The following NOVA2 variants were observed in gnomAD, a reference collection of about 807,000 sequenced individuals.
NOVA2 encodes NOVA alternative splicing regulator 2, also known as RNA-binding protein Nova-2.
A neutral mutation model predicts 22.5 loss-of-function variants in NOVA2; 9 were observed. The ratio of observed to expected loss-of-function variants is 0.40; its 90% confidence interval spans 0.24 to 0.70. NOVA2 has a LOEUF of 0.70. Among genes scored for constraint, NOVA2 ranks in the 30% least tolerant of loss-of-function variants. The probability of loss-of-function intolerance (pLI) is 0.38; values close to 1 mark genes in which losing one functional copy is unlikely to be tolerated. For missense variants in NOVA2, 383 were observed against 682.8 expected (o/e 0.56, Z 4.89); for synonymous variants, 318 against 335.2 (o/e 0.95, Z 0.56).
intron 3 of NOVA2, among the ~76,000 whole-genome samples, chr19:45,952,703 G>A (rs1197882193): frequency 6.6e-6 from 1 of 152,152 alleles, no homozygotes; most frequent in East Asian, 1.9e-4. Context: ...GAAGGGATTC[G>A]GGAGAAACCT....
chr19:45,955,408 T>C (rs370062940), intron 2 of NOVA2, among the ~76,000 whole-genome samples: 3 of 152,132 alleles, frequency 2.0e-5, no homozygotes, highest in South Asian at 2.1e-4. Flanking sequence ...TGTTTGTGTA[T>C]GTGTGTGTCT....
At chr19:45,958,064 A>G (rs1048833747) in intron 2 of NOVA2, among the ~76,000 whole-genome samples, 2 of 148,748 alleles carry the variant, frequency 1.3e-5, no homozygotes, top group African/African-American at 5.0e-5. Context: ...GTGAGCCGAG[A>G]TCACGCCACT....
intron 3 of NOVA2, among the ~76,000 whole-genome samples, chr19:45,946,085 G>A (rs55682470): frequency 0.11 from 17,118 of 150,658 alleles, 2,032 homozygotes; most frequent in East Asian, 0.31. Context: ...TGGGCAGATC[G>A]CTTGAGCTCA....
chr19:45,945,793 G>A (rs984864552), intron 3 of NOVA2, among the ~76,000 whole-genome samples: 2 of 151,562 alleles, frequency 1.3e-5, no homozygotes, highest in African/African-American at 4.8e-5. Context: ...AGCTCCCCAT[G>A]CTCTATTCCC....
rs997938824 is a variant in NOVA2, at chr19:45,973,812, G to A, written c.-461C>T. Among the ~76,000 whole-genome samples the A allele has an allele frequency of 1.5e-4, 22 of 151,574 alleles. No individual in the cohort carries two copies. The highest frequency in any genetic ancestry group is 2.5e-4 in the Non-Finnish European group (17 of 67,734). On this transcript the variant is annotated 5_prime_UTR_variant, in exon 1 of 4. Coordinates refer to ENST00000263257, the MANE Select transcript of NOVA2 (RefSeq NM_002516.4). ...GAGGCTGGGGACTGGACGCGCCACT[G>A]GGGGGACGGGACTCCCCGCTTCTTC...
chr19:45,934,385 A>C lies in NOVA2; in HGVS notation c.*5478T>G, dbSNP rs1309807554. On this transcript the variant is annotated 3_prime_UTR_variant, in exon 4 of 4. Coordinates refer to ENST00000263257, the MANE Select transcript of NOVA2 (RefSeq NM_002516.4). ...CACTGAGGCTCCTCAGGGAAATTGG[A>C]GGATGAATCCATTTCACAGAAGGGG... is the stretch of plus-strand genomic sequence containing the variant. The C allele has an allele frequency of 2.0e-5, 3 of 152,230 alleles. No individual in the cohort carries two copies. The highest frequency in any genetic ancestry group is 2.9e-5 in the Non-Finnish European group (2 of 68,058). 9.4% of individuals were successfully genotyped at this position (152,230 alleles called of 1,614,324 possible).
intron 2 of NOVA2, among the ~76,000 whole-genome samples, chr19:45,955,575 T>A (rs1600609629): frequency 6.6e-6 from 1 of 152,158 alleles, no homozygotes; most frequent in East Asian, 1.9e-4. Flanking sequence ...AGGTCTTGAG[T>A]GTGGCCGGGT....
intron 2 of NOVA2, among the ~76,000 whole-genome samples, chr19:45,956,425 T>C (rs1041243998): frequency 6.6e-6 from 1 of 151,536 alleles, no homozygotes; most frequent in Non-Finnish European, 1.5e-5. Context: ...TGTCTAATAA[T>C]AGCTGACCCT....
chr19:45,938,249 G>A lies in NOVA2; in HGVS notation c.*1614C>T, dbSNP rs1377685060. The A allele has an allele frequency of 6.6e-6, 1 of 152,398 alleles. No individual in the cohort carries two copies. The highest frequency in any genetic ancestry group is 1.5e-5 in the Non-Finnish European group (1 of 68,218). The allele number at this position is 152,398 out of a possible 1,614,324, so 9.4% of individuals were successfully genotyped here. A position where few individuals can be genotyped will look rare whatever the true frequency, so the allele number is the denominator to read the frequency against. On this transcript the variant is annotated 3_prime_UTR_variant, in exon 4 of 4. Coordinates refer to ENST00000263257, the MANE Select transcript of NOVA2 (RefSeq NM_002516.4). ...GCTGACCACAGCCACAGCACTCAGG[G>A]AGCCACTCCTAAACCAACTCTCAAG...
intron 2 of NOVA2, 130 bp from the exon 3 acceptor site, chr19:45,954,076 C>T: frequency 1.0e-6 from 1 of 991,176 alleles, no homozygotes; most frequent in Non-Finnish European, 1.5e-6. Context: ...ACACGGTGAG[C>T]CTGGGGGAGC....
intron 2 of NOVA2, among the ~76,000 whole-genome samples, chr19:45,955,854 C>A (rs1356307107): frequency 6.6e-6 from 1 of 150,516 alleles, no homozygotes; most frequent in Non-Finnish European, 1.5e-5. Flanking sequence ...GGGACTCCGT[C>A]TCAAAAAAAA....
At chr19:45,973,034 C>T (rs1281095324) in intron 1 of NOVA2, among the ~76,000 whole-genome samples, 8 of 140,106 alleles carry the variant, frequency 5.7e-5, no homozygotes, top group Non-Finnish European at 1.1e-4. Flanking sequence ...GGACACTTAT[C>T]ACCCCCTCCC....
intron 1 of NOVA2, among the ~76,000 whole-genome samples, chr19:45,964,134 C>CT (rs890089374): frequency 5.6e-4 from 84 of 150,558 alleles, no homozygotes; most frequent in African/African-American, 2.0e-3. Context: ...GGTTTTTCAA[C>CT]TTTTAAGCAA....
At chr19:45,956,680 G>T (rs1412598256) in intron 2 of NOVA2, among the ~76,000 whole-genome samples, 3 of 152,188 alleles carry the variant, frequency 2.0e-5, no homozygotes, top group Non-Finnish European at 2.9e-5. Flanking sequence ...ATGCTGGCCA[G>T]TCTGGCCTCA....
At chr19:45,949,586 G>A (rs531011197) in intron 3 of NOVA2, among the ~76,000 whole-genome samples, 5 of 152,138 alleles carry the variant, frequency 3.3e-5, no homozygotes, top group Non-Finnish European at 5.9e-5. Context: ...ACTTCTCAGA[G>A]CCTCTTTTTC....
chr19:45,948,557 G>A (rs1336707029), intron 3 of NOVA2, among the ~76,000 whole-genome samples: 11 of 145,416 alleles, frequency 7.6e-5, no homozygotes, highest in African/African-American at 2.1e-4. Context: ...CCGAGATTGC[G>A]CCATTGCACT....
intron 3 of NOVA2, among the ~76,000 whole-genome samples, chr19:45,941,293 C>CAAAAT (rs202022190): frequency 7.1e-6 from 1 of 140,300 alleles, no homozygotes; most frequent in African/African-American, 2.6e-5. Flanking sequence ...GACCCTGTCT[C>CAAAAT]AAAATAAAAT....
At position 45,940,316 on chromosome 19, in the gene NOVA2, G is replaced by T. The variant is rs1396009504; in HGVS notation, c.1026C>A (p.Ala342=). The T allele has an allele frequency of 2.5e-5, 29 of 1,155,708 alleles. No homozygotes were observed. In the East Asian group the frequency reaches 1.3e-3, roughly 50 times the overall value. 71.6% of individuals were successfully genotyped at this position (1,155,708 alleles called of 1,614,324 possible). A position where few individuals can be genotyped will look rare whatever the true frequency, so the allele number is the denominator to read the frequency against. The stretch of plus-strand genomic sequence containing the variant: ...CGGGAGGCGGGGGCGGCGGCGGGGC[G>T]GCCCCTCCGGCTGGCCCGGCCCCGG... ...GEAGAGPAGG[A]APPPPPPPGA... The change falls in exon 4 of 4, where the codon GCC becomes GCA. Residue 342 remains alanine (A), a synonymous_variant. Transcript: ENST00000263257.
intron 2 of NOVA2, among the ~76,000 whole-genome samples, chr19:45,955,981 G>A (rs1488197683): frequency 6.6e-6 from 1 of 152,216 alleles, no homozygotes; most frequent in African/African-American, 2.4e-5. Context: ...AAGCACTTCA[G>A]TGCAGCACGC....
Sources: allele counts gnomAD v4.1 joint callset (sites outside exome capture counted in the v4.1 genomes callset), GRCh38; gene constraint gnomAD v4.1.1; transcripts MANE v1.5; gene names NCBI Gene and HGNC (gene_info 2026-07-23, HGNC 2026-07-21).